Variants in ZNF714 observed in about 807,000 individuals in gnomAD.
The protein encoded by ZNF714 is zinc finger protein 714.
ZNF714 carries 32 observed loss-of-function variants against 46.2 expected under a neutral mutation model. The observed-to-expected ratio is 0.69, with a 90% confidence interval of 0.52 to 0.93. ZNF714 has a LOEUF of 0.93. Among genes scored for constraint, ZNF714 ranks in the 40% least tolerant of loss-of-function variants. The pLI, the probability that ZNF714 is intolerant of heterozygous loss-of-function variation, is 0.00. For synonymous variants in ZNF714, 199 were observed against 213.1 expected (o/e 0.93, Z 0.58); for missense variants, 635 against 646.3 (o/e 0.98, Z 0.19).
At position 21,124,983 on chromosome 19, in the gene ZNF714, T is replaced by G. The variant is rs1346671502; in HGVS notation, c.*6651T>G. On this transcript the variant is annotated 3_prime_UTR_variant, in exon 5 of 5. Transcript: ENST00000456283. Reference sequence around the variant, plus strand: ...AAGGCCAGGTGTGGTGTCTTACACCTGTAATCCCAGCACTGTGGGAAGCCA... The same window carrying G: ...AAGGCCAGGTGTGGTGTCTTACACCGGTAATCCCAGCACTGTGGGAAGCCA... 6.7e-6 allele frequency: 1 copy of G among 149,966 alleles called. No homozygotes were observed. Among genetic ancestry groups the G allele is most frequent in the Non-Finnish European group, 1.5e-5 (1 of 67,612 alleles). 9.3% of individuals were successfully genotyped at this position (149,966 alleles called of 1,614,324 possible).
chr19:21,115,036 G>A lies in ZNF714; in HGVS notation c.143-1771G>A, dbSNP rs191336193. On this transcript the variant is annotated intron_variant, in intron 4 of 4. Coordinates refer to ENST00000456283, the MANE Select transcript of ZNF714 (RefSeq NM_182515.4). ...TTTTACTTCTTTCTTATTTTGTTTTGTGTATCTATTCAGATATATTCTTGG... is the reference window on the plus strand; with the variant it reads ...TTTTACTTCTTTCTTATTTTGTTTTATGTATCTATTCAGATATATTCTTGG... 5.4e-3 allele frequency among the ~76,000 whole-genome samples: 807 copies of A among 148,234 alleles called. 4 individuals carry two copies. Among genetic ancestry groups the A allele is most frequent in the African/African-American group, 7.2e-3 (292 of 40,304 alleles).
rs767514241 is a variant in ZNF714 at position 21,117,616 on chromosome 19, T to C, written c.952T>C (p.Cys318Arg). Residue 318 changes from cysteine (C) to arginine (R), a missense_variant, in exon 5 of 5, where the codon TGT (cysteine) becomes CGT (arginine). By Grantham distance (180) the Cys-to-Arg change is radical. Transcript: ENST00000456283. ...SGEKSYKCEQ[C>R]GKGFNWSSTL... ...AGAGAAATCTTACAAATGTGAACAA[T>C]GTGGCAAAGGCTTTAACTGGTCTTC... The C allele has an allele frequency of 4.3e-6, 7 of 1,612,202 alleles. No homozygotes were observed. The highest frequency in any genetic ancestry group is 2.2e-5 in the East Asian group (1 of 44,794).
Position 21,122,756 on chromosome 19 carries a change from C to T in ZNF714, c.*4424C>T, listed in dbSNP as rs1969725518. The T allele has an allele frequency of 1.3e-5, 2 of 152,112 alleles. No individual in the cohort carries two copies. The highest frequency in any genetic ancestry group is 4.8e-5 in the African/African-American group (2 of 41,404). The allele number at this position is 152,112 out of a possible 1,614,324, so 9.4% of individuals were successfully genotyped here. On this transcript the variant is annotated 3_prime_UTR_variant, in exon 5 of 5. Transcript: ENST00000456283. ...CTGTTCTCTTCACGCCATTTCATTT[C>T]GCCTGGTATTTTGTAGATTTTGATG...
At chr19:21,087,638 T>G (rs1423302627) in intron 2 of ZNF714, among the ~76,000 whole-genome samples, 2 of 152,322 alleles carry the variant, frequency 1.3e-5, no homozygotes, top group Admixed American at 1.3e-4. Context: ...AAGAGAAACC[T>G]GTTGTTTTTA....
Position 21,117,275 on chromosome 19 carries a change from A to G in ZNF714, c.611A>G (p.Glu204Gly), listed in dbSNP as rs752259096. The change falls in exon 5 of 5, where the codon GAA becomes GGA. Residue 204 changes from glutamate (E) to glycine (G), a missense_variant. Glu to Gly is a moderately conservative substitution (Grantham distance 98, BLOSUM62 -2). Transcript: ENST00000456283. Reference sequence around the variant, plus strand: ...ACTGGAGAGAAACCCTTCAAATGTGAAGAATGTGGCAAAGCTTTTAAGCAC... The same window carrying G: ...ACTGGAGAGAAACCCTTCAAATGTGGAGAATGTGGCAAAGCTTTTAAGCAC... ...VHTGEKPFKC[E>G]ECGKAFKHSS... The G allele has an allele frequency of 6.2e-7, 1 of 1,613,992 alleles. No homozygotes were observed. The highest frequency in any genetic ancestry group is 8.5e-7 in the Non-Finnish European group (1 of 1,179,920).
At position 21,124,682 on chromosome 19, in the gene ZNF714, A is replaced by C. The variant is rs1001616522; in HGVS notation, c.*6350A>C. Among the ~76,000 whole-genome samples the C allele has an allele frequency of 7.2e-5, 11 of 152,166 alleles. No homozygotes were observed. Among genetic ancestry groups the C allele is most frequent in the African/African-American group, 2.7e-4 (11 of 41,454 alleles). On this transcript the variant is annotated 3_prime_UTR_variant, in exon 5 of 5. Coordinates refer to ENST00000456283, the MANE Select transcript of ZNF714 (RefSeq NM_182515.4). Reference sequence around the variant, plus strand: ...ATGAACTATAGTCACCATGTTGTACAATAAATCTCTTGAACTTATTTCTCC... The same window carrying C: ...ATGAACTATAGTCACCATGTTGTACCATAAATCTCTTGAACTTATTTCTCC...
Position 21,124,169 on chromosome 19 carries a change from T to C in ZNF714, c.*5837T>C, listed in dbSNP as rs538446839. The C allele has an allele frequency of 6.6e-6, 1 of 152,314 alleles. No individual in the cohort carries two copies. Among genetic ancestry groups the C allele is most frequent in the East Asian group, 1.9e-4 (1 of 5,180 alleles). 9.4% of individuals were successfully genotyped at this position (152,314 alleles called of 1,614,324 possible). ...AAACCATGCTGTTAAATATCAGAGT[T>C]CCTATGGTTATGACTGACAAATGAC... On this transcript the variant is annotated 3_prime_UTR_variant, in exon 5 of 5. Coordinates refer to ENST00000456283, the MANE Select transcript of ZNF714 (RefSeq NM_182515.4).
Position 21,084,044 on chromosome 19 carries a change from T to C in ZNF714, c.-110T>C. 1 of 1,215,902 alleles carries C rather than the reference T, an allele frequency of 8.2e-7. No individual in the cohort carries two copies. The highest frequency in any genetic ancestry group is 1.0e-6 in the Non-Finnish European group (1 of 957,648). The allele number at this position is 1,215,902 out of a possible 1,614,324, so 75.3% of individuals were successfully genotyped here. A position where few individuals can be genotyped will look rare whatever the true frequency, so the allele number is the denominator to read the frequency against. On this transcript the variant is annotated 5_prime_UTR_variant, in exon 2 of 5. Transcript: ENST00000456283. The stretch of plus-strand genomic sequence containing the variant: ...TGGATCCCTGGGGCAGAGAGGAAGC[T>C]TCTAGTGTACTCTTACTTTGAAAAG...
intron 2 of ZNF714, chr19:21,091,291 A>G (rs1246285452): frequency 2.0e-5 from 3 of 152,110 alleles, no homozygotes; most frequent in African/African-American, 7.2e-5. Context: ...ACCATAGGTC[A>G]CTCTCATCAC....
chr19:21,082,225 G>C lies in ZNF714; in HGVS notation c.-300G>C. The C allele has an allele frequency of 9.6e-7, 1 of 1,038,476 alleles. No homozygotes were observed. 64.3% of individuals were successfully genotyped at this position (1,038,476 alleles called of 1,614,324 possible). Reference sequence around the variant, plus strand: ...TTTGTCTCTCGCTGCAGCTGGAGCTGCAGGTCTCGCCTTCACTGCCCTGTG... The same window carrying C: ...TTTGTCTCTCGCTGCAGCTGGAGCTCCAGGTCTCGCCTTCACTGCCCTGTG... On this transcript the variant is annotated 5_prime_UTR_variant, in exon 1 of 5. Coordinates refer to ENST00000456283, the MANE Select transcript of ZNF714 (RefSeq NM_182515.4).
chr19:21,115,404 G>A (rs549275039), intron 4 of ZNF714, among the ~76,000 whole-genome samples: 37 of 151,620 alleles, frequency 2.4e-4, no homozygotes, highest in South Asian at 4.2e-4. Context: ...TTATTTAATC[G>A]TATTATTTTC....
chr19:21,082,949 T>C (rs1968690814), intron 1 of ZNF714, among the ~76,000 whole-genome samples: 2 of 152,312 alleles, frequency 1.3e-5, no homozygotes, highest in South Asian at 4.1e-4. Context: ...TTCCTGGTTA[T>C]GTAATTAGAT....
chr19:21,096,088 AGTGGCCC>A (rs1568275176), intron 2 of ZNF714, among the ~76,000 whole-genome samples: 4 of 152,176 alleles, frequency 2.6e-5, no homozygotes, highest in African/African-American at 9.6e-5. Flanking sequence ...GGGACAGGGC[AGTGGCCC>A]ATATTTTCAT....
chr19:21,099,782 G>A (rs1969130207), intron 4 of ZNF714, among the ~76,000 whole-genome samples: 1 of 152,122 alleles, frequency 6.6e-6, no homozygotes, highest in South Asian at 2.1e-4. Context: ...TTATTAGGAA[G>A]TTTATTGAAT....
At position 21,116,894 on chromosome 19, in the gene ZNF714, A is replaced by G; in HGVS notation, c.230A>G (p.Lys77Arg). 6.2e-7 allele frequency: 1 copy of G among 1,613,962 alleles called. No homozygotes were observed. The highest frequency in any genetic ancestry group is 8.5e-7 in the Non-Finnish European group (1 of 1,179,890). The change falls in exon 5 of 5, where the codon AAA (lysine) becomes AGA (arginine). Residue 77 changes from lysine to arginine, a missense_variant. Lys to Arg is a conservative substitution (Grantham distance 26). Transcript: ENST00000456283. ...FQQVILRRHG[K>R]CEHENLQLRK... ...CAAGTGATACTGAGAAGACATGGCA[A>G]ATGTGAACATGAGAATTTACAGTTA...
Position 21,120,206 on chromosome 19 carries a change from T to C in ZNF714, c.*1874T>C, listed in dbSNP as rs2144885933. The C allele has an allele frequency of 6.6e-6, 1 of 152,314 alleles. No individual in the cohort carries two copies. Among genetic ancestry groups the C allele is most frequent in the Non-Finnish European group, 1.5e-5 (1 of 68,048 alleles). The allele number at this position is 152,314 out of a possible 1,614,324, so 9.4% of individuals were successfully genotyped here. On this transcript the variant is annotated 3_prime_UTR_variant, in exon 5 of 5. Coordinates refer to ENST00000456283, the MANE Select transcript of ZNF714 (RefSeq NM_182515.4). The stretch of plus-strand genomic sequence containing the variant: ...ACAGGCGCATATCACCACGCCCAGC[T>C]AATTTTTATGTTTCTAGTACAGACA...
chr19:21,092,769 G>A (rs187832849), intron 2 of ZNF714, among the ~76,000 whole-genome samples: 12 of 152,036 alleles, frequency 7.9e-5, no homozygotes, highest in East Asian at 3.9e-4. Flanking sequence ...AGTGTCTGTC[G>A]TTCTCCTCTT....
rs1026418408 is a variant in ZNF714, at chr19:21,118,325, G to T, written c.1661G>T (p.Arg554Leu). Residue 554 changes from arginine to leucine, a missense_variant, in exon 5 of 5, where the codon CGC (arginine) becomes CTC (leucine). Coordinates refer to ENST00000456283, the MANE Select transcript of ZNF714 (RefSeq NM_182515.4). ...AAATTTGCTGGGTGTGGTGGCAGGCGCCTGTAATCCCAGCTACTTGGGAGG... is the reference window on the plus strand; with the variant it reads ...AAATTTGCTGGGTGTGGTGGCAGGCTCCTGTAATCCCAGCTACTTGGGAGG... ...IQKFAGCGGRRL is the reference protein window; with the variant it reads ...IQKFAGCGGRLL The T allele has an allele frequency of 2.4e-6, 2 of 825,066 alleles. No individual in the cohort carries two copies. The allele number at this position is 825,066 out of a possible 1,614,324, so 51.1% of individuals were successfully genotyped here.
chr19:21,114,435 C>A (rs1453428142), intron 4 of ZNF714, among the ~76,000 whole-genome samples: 1,377 of 124,462 alleles, frequency 0.011, no homozygotes, highest in Middle Eastern at 0.016. Flanking sequence ...GACTCCATCT[C>A]AAAAAAAAAA....
Sources: allele counts gnomAD v4.1 joint callset (sites outside exome capture counted in the v4.1 genomes callset), GRCh38; gene constraint gnomAD v4.1.1; transcripts MANE v1.5; gene names NCBI Gene and HGNC (gene_info 2026-07-23, HGNC 2026-07-21).